The following L2HGDH variants were observed in gnomAD, a reference collection of about 807,000 sequenced individuals.
L2HGDH encodes L-2-hydroxyglutarate dehydrogenase, mitochondrial.
In L2HGDH, 34 loss-of-function variants were observed where a neutral mutation model predicts 51.5. That is an observed-to-expected ratio of 0.66 (90% CI 0.50 to 0.88). L2HGDH has a LOEUF of 0.88. Ranked by LOEUF, L2HGDH falls within the 40% of genes least tolerant of loss-of-function variation. The probability of loss-of-function intolerance (pLI) is 0.00; values close to 1 mark genes in which losing one functional copy is unlikely to be tolerated. For synonymous variants in L2HGDH, 198 were observed against 197.9 expected (o/e 1.00, Z -0.01); for missense variants, 558 against 571.9 (o/e 0.98, Z 0.25).
intron 9 of L2HGDH, among the ~76,000 whole-genome samples, chr14:50,262,832 TC>T (rs1314812281): frequency 2.0e-5 from 3 of 152,152 alleles, no homozygotes; most frequent in Non-Finnish European, 2.9e-5. Context: ...ACTATAGGAA[TC>T]AAGAGACGAA....
chr14:50,281,931 C>T (rs1890294483), intron 5 of L2HGDH, among the ~76,000 whole-genome samples: 1 of 152,192 alleles, frequency 6.6e-6, no homozygotes, highest in Non-Finnish European at 1.5e-5. Context: ...ACCTCCACCT[C>T]CCGGGTTCAA....
Position 50,247,107 on chromosome 14 carries a change from G to A in L2HGDH, c.1343C>T (p.Ala448Val). 1 of 1,613,734 alleles carries A rather than the reference G, an allele frequency of 6.2e-7. No homozygotes were observed. Among genetic ancestry groups the A allele is most frequent in the Non-Finnish European group, 8.5e-7 (1 of 1,179,696 alleles). ...APSPAATSSI[A>V]ISGMIADEVQ... ...TTCATCTGCAATCATTCCAGAAATT[G>A]CAATGGAAGAAGTAGCAGCAGGAGA... is the stretch of plus-strand genomic sequence containing the variant. Residue 448 changes from alanine (A) to valine (V), a missense_variant, in exon 10 of 10, where the codon GCA becomes GTA. This residue lies in a region of L2HGDH where 321 missense variants were observed against 311.8 expected (regional missense o/e 1.03). Transcript: ENST00000267436.
chr14:50,295,884 G>A (rs1245099303), intron 3 of L2HGDH, among the ~76,000 whole-genome samples: 1 of 151,328 alleles, frequency 6.6e-6, no homozygotes, highest in African/African-American at 2.4e-5. Context: ...GATTACAGAC[G>A]CCTGCCACCA....
At chr14:50,310,611 G>A (rs1167180158) in intron 1 of L2HGDH, among the ~76,000 whole-genome samples, 1 of 152,048 alleles carries the variant, frequency 6.6e-6, no homozygotes, top group Non-Finnish European at 1.5e-5. Flanking sequence ...GCTGAGGAGG[G>A]AGGATCGCTT....
chr14:50,309,655 A>T (rs961076010), intron 1 of L2HGDH, among the ~76,000 whole-genome samples: 6 of 151,642 alleles, frequency 4.0e-5, no homozygotes, highest in African/African-American at 1.5e-4. Context: ...CACAACAGAT[A>T]ACCTTGTGGC....
intron 9 of L2HGDH, among the ~76,000 whole-genome samples, chr14:50,254,051 AG>A (rs1161109221): frequency 6.6e-6 from 1 of 152,094 alleles, no homozygotes; most frequent in Non-Finnish European, 1.5e-5. Flanking sequence ...GGGGATTTAC[AG>A]GGGAGGTGGG....
At chr14:50,283,493 C>T (rs1337339695) in intron 5 of L2HGDH, among the ~76,000 whole-genome samples, 1 of 151,686 alleles carries the variant, frequency 6.6e-6, no homozygotes, top group Non-Finnish European at 1.5e-5. Context: ...TAAAATATCC[C>T]AATTAAAAAA....
At chr14:50,282,436 T>C (rs1440472777) in intron 5 of L2HGDH, 3 of 455,926 alleles carry the variant, frequency 6.6e-6, no homozygotes, top group Non-Finnish European at 1.3e-5. Context: ...AACTCTTCTG[T>C]CTTCATTAAA....
rs183146073 is a variant in L2HGDH, at chr14:50,268,502, G to A, written c.907-592C>T. ...AACTGTCTTACTTCAGGCTATTCTCGGTCTTTCACAAGGGATGTCTATGAC... is the reference window on the plus strand; with the variant it reads ...AACTGTCTTACTTCAGGCTATTCTCAGTCTTTCACAAGGGATGTCTATGAC... On this transcript the variant is annotated intron_variant, in intron 7 of 9. Transcript: ENST00000267436. Among the ~76,000 whole-genome samples, 394 of 151,688 alleles carry A rather than the reference G, an allele frequency of 2.6e-3. 2 individuals are homozygous for A. The Middle Eastern group carries it at 0.062, about 24-fold the overall frequency.
At chr14:50,254,609 T>C (rs985911627) in intron 9 of L2HGDH, among the ~76,000 whole-genome samples, 3 of 152,106 alleles carry the variant, frequency 2.0e-5, no homozygotes, top group African/African-American at 7.2e-5. Flanking sequence ...TCTAGGCACA[T>C]AAAGGTTAAA....
intron 1 of L2HGDH, among the ~76,000 whole-genome samples, chr14:50,304,306 C>T (rs1271958269): frequency 6.6e-6 from 1 of 152,184 alleles, no homozygotes; most frequent in African/African-American, 2.4e-5. Context: ...CATGACTATA[C>T]TTTGTGTTAA....
Position 50,294,203 on chromosome 14 carries a change from G to C in L2HGDH, c.452C>G (p.Ala151Gly), listed in dbSNP as rs1394520805. ...ATTCTGGAGGCCTTTCTCATATAGG[G>C]CCTGAAGTCTGGGAATTTCTTCTTG... ...VEQEEIPRLQ[A>G]LYEKGLQNGV... Residue 151 changes from alanine to glycine, a missense_variant, in exon 4 of 10, where the codon GCC becomes GGC. Ala to Gly is a moderately conservative substitution (Grantham distance 60). This residue lies in a region of L2HGDH where 43 missense variants were observed against 72.9 expected (regional missense o/e 0.59). Coordinates refer to ENST00000267436, the MANE Select transcript of L2HGDH (RefSeq NM_024884.3). The C allele has an allele frequency of 6.2e-7, 1 of 1,613,322 alleles. No homozygotes were observed. Among genetic ancestry groups the C allele is most frequent in the Non-Finnish European group, 8.5e-7 (1 of 1,179,780 alleles).
chr14:50,285,385 T>C (rs1353130984), intron 4 of L2HGDH, among the ~76,000 whole-genome samples: 2 of 152,230 alleles, frequency 1.3e-5, no homozygotes, highest in Non-Finnish European at 2.9e-5. Flanking sequence ...AACTTCATCA[T>C]TTTCCTGACA....
intron 4 of L2HGDH, among the ~76,000 whole-genome samples, chr14:50,286,263 A>C (rs1890557585): frequency 6.6e-6 from 1 of 152,226 alleles, no homozygotes; most frequent in Non-Finnish European, 1.5e-5. Context: ...AGTAGCAGTG[A>C]GGATTTGCCC....
intron 9 of L2HGDH, among the ~76,000 whole-genome samples, chr14:50,262,361 C>T (rs1424901465): frequency 1.3e-5 from 2 of 148,948 alleles, no homozygotes; most frequent in Non-Finnish European, 3.0e-5. Context: ...ACCAGGGAGT[C>T]GGAGGTTGTA....
At position 50,269,193 on chromosome 14, in the gene L2HGDH, T is replaced by C. The variant is rs1889523376; in HGVS notation, c.876A>G (p.Lys292=). Residue 292 remains lysine, a synonymous_variant, in exon 7 of 10, where the codon AAA becomes AAG. Coordinates refer to ENST00000267436, the MANE Select transcript of L2HGDH (RefSeq NM_024884.3). Reference sequence around the variant, plus strand: ...AAATATTTCCTTTTACAAGATAACATTTTTCTGGCTTCAAAAGCAGGTAAT... The same window carrying C: ...AAATATTTCCTTTTACAAGATAACACTTTTCTGGCTTCAAAAGCAGGTAAT... ...RGDYLLLKPE[K]CYLVKGNIYP... is the part of the protein sequence containing the mutation. 6.3e-7 allele frequency: 1 copy of C among 1,590,620 alleles called. No homozygotes were observed. The highest frequency in any genetic ancestry group is 2.3e-5 in the East Asian group (1 of 43,198).
intron 1 of L2HGDH, among the ~76,000 whole-genome samples, chr14:50,303,733 T>C (rs1449833989): frequency 4.3e-5 from 6 of 139,796 alleles, no homozygotes. Context: ...GCCGAGGTCA[T>C]GCCACTGCAC....
chr14:50,284,612 C>A (rs1292818183), intron 4 of L2HGDH, among the ~76,000 whole-genome samples: 1 of 152,102 alleles, frequency 6.6e-6, no homozygotes, highest in Non-Finnish European at 1.5e-5. Context: ...GTGTCATTGG[C>A]CGTTTCTAAT....
At chr14:50,308,951 A>G (rs2030889526) in intron 1 of L2HGDH, among the ~76,000 whole-genome samples, 2 of 152,224 alleles carry the variant, frequency 1.3e-5, no homozygotes, top group African/African-American at 4.8e-5. Flanking sequence ...CCTGCTATCA[A>G]TACAGGCGAC....
Sources: gnomAD v4.1 joint callset for allele counts (sites outside exome capture counted in the v4.1 genomes callset) on GRCh38, gnomAD v4.1.1 for gene constraint, gnomAD v4.1.1 regional missense constraint, MANE v1.5 for transcripts, NCBI Gene and HGNC (gene_info 2026-07-23, HGNC 2026-07-21) for gene names.